Variants in SV2C observed in about 807,000 individuals in gnomAD.
SV2C encodes the protein synaptic vesicle glycoprotein 2C.
Under a neutral mutation model 79.7 loss-of-function variants are expected in SV2C, and 49 were observed. The observed-to-expected ratio is 0.61, with a 90% CI of 0.49 to 0.78. SV2C has a LOEUF of 0.78. Ranked by LOEUF, SV2C falls within the 30% of genes least tolerant of loss-of-function variation. The pLI, the probability that SV2C is intolerant of heterozygous loss-of-function variation, is 0.00. For missense variants in SV2C, 833 were observed against 912.9 expected (o/e 0.91, Z 1.13); for synonymous variants, 334 against 333.2 (o/e 1.00, Z -0.03).
At chr5:76,149,376 G>A (rs1749531327) in intron 2 of SV2C, among the ~76,000 whole-genome samples, 2 of 152,154 alleles carry the variant, frequency 1.3e-5, no homozygotes, top group Non-Finnish European at 2.9e-5. Context: ...CTGAAGTGCA[G>A]GTTTCGATAC....
In SV2C at chr5:76,352,493, A is replaced by T. The variant is rs1242394676; in HGVS notation, c.2001-637A>T. Reference sequence around the variant, plus strand: ...ATTACTGCAAGAGTAGGTTTGTCATAAAAGCTAGTTCAGCCCCCTCTTTCT... The same window carrying T: ...ATTACTGCAAGAGTAGGTTTGTCATTAAAGCTAGTTCAGCCCCCTCTTTCT... On this transcript the variant is annotated intron_variant, in intron 12 of 12. Coordinates refer to the SV2C transcript ENST00000322285. 1.3e-5 allele frequency among the ~76,000 whole-genome samples: 2 copies of T among 152,208 alleles called. 1 individual carries two copies. Among genetic ancestry groups the T allele is most frequent in the South Asian group, 4.1e-4 (2 of 4,826 alleles).
Position 76,139,208 on chromosome 5 carries a change from C to A in SV2C, c.580+6878C>A, listed in dbSNP as rs16873228. Among the ~76,000 whole-genome samples, 936 of 151,672 alleles carry A rather than the reference C, an allele frequency of 6.2e-3. 13 individuals carry two copies. Among genetic ancestry groups the A allele is most frequent in the African/African-American group, 0.021 (882 of 41,394 alleles). ...GTCATAGATGCAGATGTTGGCAGTGCCCCTCCAAATAGTGCTCAGGGTTGA... is the reference window on the plus strand; with the variant it reads ...GTCATAGATGCAGATGTTGGCAGTGACCCTCCAAATAGTGCTCAGGGTTGA... On this transcript the variant is annotated intron_variant, in intron 2 of 12. Transcript: ENST00000502798.
the SV2C span, among the ~76,000 whole-genome samples, chr5:76,020,871 C>A: frequency 6.6e-6 from 1 of 152,122 alleles, no homozygotes; most frequent in African/African-American, 2.4e-5. Context: ...TTCTGACACA[C>A]TAGGGAAGGC....
At chr5:76,194,821 A>G (rs1744220669) in intron 2 of SV2C, 98 bp from the exon 3 acceptor site, 1 of 1,429,192 alleles carries the variant, frequency 7.0e-7, no homozygotes, top group Non-Finnish European at 9.5e-7. Context: ...TTCCTCATGC[A>G]AAATGCTGGA....
chr5:76,053,644 A>C, the SV2C span, among the ~76,000 whole-genome samples: 1 of 152,148 alleles, frequency 6.6e-6, no homozygotes, highest in Non-Finnish European at 1.5e-5. Context: ...TCAAACATCC[A>C]TGGTGTTTTT....
chr5:75,876,458 G>A, the SV2C span, among the ~76,000 whole-genome samples: 18,917 of 151,876 alleles, frequency 0.12, 1,388 homozygotes, highest in African/African-American at 0.22. Flanking sequence ...CAGAAAAGAT[G>A]ACTATTGGGT....
At chr5:76,308,210 T>G (rs1380539490) in intron 12 of SV2C, among the ~76,000 whole-genome samples, 2 of 152,196 alleles carry the variant, frequency 1.3e-5, no homozygotes, top group Admixed American at 6.5e-5. Context: ...CATTGCCTTA[T>G]TATTACCAGG....
the SV2C span, among the ~76,000 whole-genome samples, chr5:76,074,716 G>A: frequency 3.3e-5 from 5 of 152,292 alleles, no homozygotes; most frequent in East Asian, 9.6e-4. Context: ...GACCTCTTCC[G>A]AGTTTCTTTC....
intron 2 of SV2C, among the ~76,000 whole-genome samples, chr5:76,185,757 T>C (rs1743895939): frequency 6.6e-6 from 1 of 152,250 alleles, no homozygotes; most frequent in Non-Finnish European, 1.5e-5. Context: ...GAGGCTGCCA[T>C]GAAGGTCTCT....
the SV2C span, among the ~76,000 whole-genome samples, chr5:76,024,767 G>A: frequency 2.6e-3 from 391 of 152,170 alleles, 4 homozygotes; most frequent in African/African-American, 7.2e-3. Flanking sequence ...CGGCCCTGTG[G>A]AACTCACTTA....
At chr5:76,181,672 TA>T (rs1367459499) in intron 2 of SV2C, among the ~76,000 whole-genome samples, 1 of 151,620 alleles carries the variant, frequency 6.6e-6, no homozygotes, top group African/African-American at 2.4e-5. Context: ...GAGACAGCAC[TA>T]GGGGGATAGG....
At chr5:76,209,444 A>G (rs1168557656) in intron 3 of SV2C, among the ~76,000 whole-genome samples, 1 of 152,228 alleles carries the variant, frequency 6.6e-6, no homozygotes, top group African/African-American at 2.4e-5. Context: ...CATGAGCTGA[A>G]AAGCCAACGG....
At position 76,333,459 on chromosome 5, in the gene SV2C, A is replaced by T. The variant is rs900945362; in HGVS notation, c.*7912A>T. 9.9e-5 allele frequency: 15 copies of T among 152,134 alleles called. No individual in the cohort carries two copies. The highest frequency in any genetic ancestry group is 3.1e-4 in the African/African-American group (13 of 41,422). The allele number at this position is 152,134 out of a possible 1,614,324, so 9.4% of individuals were successfully genotyped here. ...ATGCTAAACGTACTATCCACTGTCT[A>T]TTTTAATGAGATCTTGGCAATGGTC... On this transcript the variant is annotated 3_prime_UTR_variant, in exon 13 of 13. Transcript: ENST00000502798.
At chr5:76,038,847 A>C in the SV2C span, among the ~76,000 whole-genome samples, 39 of 152,250 alleles carry the variant, frequency 2.6e-4, 1 homozygote, top group Non-Finnish European at 5.1e-4. Context: ...ACTCTGTAAC[A>C]GCTCAGAGGA....
At chr5:75,929,736 C>T in the SV2C span, among the ~76,000 whole-genome samples, 1 of 152,238 alleles carries the variant, frequency 6.6e-6, no homozygotes, top group South Asian at 2.1e-4. Flanking sequence ...ATGCCAGCTA[C>T]CATCTTAATC....
the SV2C span, among the ~76,000 whole-genome samples, chr5:75,976,822 C>T: frequency 1.3e-5 from 2 of 152,268 alleles, no homozygotes; most frequent in Non-Finnish European, 1.5e-5. Context: ...ATGTTTCCAA[C>T]TTAAAACTTT....
the SV2C span, among the ~76,000 whole-genome samples, chr5:75,869,323 C>T: frequency 6.6e-6 from 1 of 152,190 alleles, no homozygotes; most frequent in African/African-American, 2.4e-5. Flanking sequence ...CATAAGCTAA[C>T]TGAAGAGCCC....
intron 2 of SV2C, among the ~76,000 whole-genome samples, chr5:76,166,877 A>G (rs1340058813): frequency 6.6e-6 from 1 of 152,196 alleles, no homozygotes; most frequent in Non-Finnish European, 1.5e-5. Flanking sequence ...TTGCCAGGGT[A>G]AAGAGTCCTT....
the SV2C span, chr5:75,921,468 CA>C: frequency 8.8e-6 from 7 of 795,046 alleles, no homozygotes; most frequent in Admixed American, 1.2e-4. Context: ...GCCCATAAGG[CA>C]GTCGGTCTCT....
Sources: gnomAD v4.1 joint callset for allele counts (sites outside exome capture counted in the v4.1 genomes callset) on GRCh38, gnomAD v4.1.1 for gene constraint, MANE v1.5 for transcripts, NCBI Gene and HGNC (gene_info 2026-07-23, HGNC 2026-07-21) for gene names.